Variants in ITGAV observed in about 807,000 individuals in gnomAD.
ITGAV encodes the protein integrin subunit alpha V.
A neutral mutation model predicts 143.8 loss-of-function variants in ITGAV; 76 were observed. That is an observed-to-expected ratio of 0.53 (90% CI 0.44 to 0.64). The LOEUF (loss-of-function observed/expected upper bound fraction) is 0.64, where lower values mean the gene tolerates loss of function less well. Among genes scored for constraint, ITGAV ranks in the 30% least tolerant of loss-of-function variants. The pLI is 0.00. For synonymous variants in ITGAV, 453 were observed against 446.7 expected (o/e 1.01, Z -0.18); for missense variants, 1,193 against 1,274.7 (o/e 0.94, Z 0.98).
At chr2:186,674,790 G>T (rs980836668) in intron 26 of ITGAV, among the ~76,000 whole-genome samples, 1 of 152,184 alleles carries the variant, frequency 6.6e-6, no homozygotes, top group South Asian at 2.1e-4. Context: ...TTGATTACAG[G>T]AGTGAGCCAC....
chr2:186,611,001 T>C (rs1017188649), intron 2 of ITGAV, among the ~76,000 whole-genome samples: 2 of 152,170 alleles, frequency 1.3e-5, no homozygotes, highest in Non-Finnish European at 2.9e-5. Context: ...AGGTCAGATG[T>C]CCAAAATGGA....
chr2:186,595,147 T>C (rs1294809242), intron 1 of ITGAV, among the ~76,000 whole-genome samples: 1 of 152,216 alleles, frequency 6.6e-6, no homozygotes, highest in South Asian at 2.1e-4. Flanking sequence ...TTCATACACA[T>C]TTATTTCTAT....
In ITGAV at chr2:186,625,570, A is replaced by G. The variant is rs1687649943; in HGVS notation, c.506A>G (p.Tyr169Cys). 1 of 1,610,774 alleles carries G rather than the reference A, an allele frequency of 6.2e-7. No individual in the cohort carries two copies. The highest frequency in any genetic ancestry group is 8.5e-7 in the Non-Finnish European group (1 of 1,177,644). Residue 169 changes from tyrosine to cysteine, a missense_variant, in exon 4 of 30, where the codon TAT (tyrosine) becomes TGT (cysteine). Transcript: ENST00000261023. Reference sequence around the variant, plus strand: ...CAAGATGGAACAAAGACTGTTGAGTATGCTCCATGTAGATCACGTATGTAT... The same window carrying G: ...CAAGATGGAACAAAGACTGTTGAGTGTGCTCCATGTAGATCACGTATGTAT... ...FLQDGTKTVEYAPCRSQDIDA... is the reference protein window; with the variant it reads ...FLQDGTKTVECAPCRSQDIDA...
chr2:186,601,837 C>A (rs1367963132), intron 1 of ITGAV, among the ~76,000 whole-genome samples, 184 bp from the exon 2 acceptor site: 1 of 152,090 alleles, frequency 6.6e-6, no homozygotes, highest in Non-Finnish European at 1.5e-5. Context: ...TAAACTATAT[C>A]AAATAATGTA....
chr2:186,593,423 T>C (rs1319096964), intron 1 of ITGAV, among the ~76,000 whole-genome samples: 6 of 151,320 alleles, frequency 4.0e-5, no homozygotes, highest in South Asian at 2.1e-4. Flanking sequence ...TTCACAAATA[T>C]AGTGATTTTC....
At chr2:186,609,835 G>A (rs915912769) in intron 2 of ITGAV, among the ~76,000 whole-genome samples, 3 of 152,076 alleles carry the variant, frequency 2.0e-5, no homozygotes, top group African/African-American at 7.2e-5. Flanking sequence ...ATACGTGTGT[G>A]GTGGTGGGGT....
intron 14 of ITGAV, among the ~76,000 whole-genome samples, chr2:186,651,202 G>A (rs2105725683): frequency 6.6e-6 from 1 of 152,264 alleles, no homozygotes; most frequent in South Asian, 2.1e-4. Flanking sequence ...TAACATTAGT[G>A]CTATGTAGCG....
intron 2 of ITGAV, among the ~76,000 whole-genome samples, chr2:186,621,593 T>G (rs895814411): frequency 6.6e-6 from 1 of 152,210 alleles, no homozygotes; most frequent in Non-Finnish European, 1.5e-5. Context: ...TCGACATGTC[T>G]TAGTGGTCTC....
intron 26 of ITGAV, among the ~76,000 whole-genome samples, chr2:186,674,516 T>G (rs1689153569): frequency 6.6e-6 from 1 of 152,132 alleles, no homozygotes; most frequent in Non-Finnish European, 1.5e-5. Context: ...CTTTTACTTT[T>G]TTTTTTCTTT....
chr2:186,602,148 A>T lies in ITGAV; in HGVS notation c.313A>T (p.Thr105Ser). The T allele has an allele frequency of 6.2e-7, 1 of 1,603,350 alleles. No homozygotes were observed. The highest frequency in any genetic ancestry group is 8.5e-7 in the Non-Finnish European group (1 of 1,176,400). ...RRCQPIEFDA[T>S]GNRDYAKDDP... Reference sequence around the variant, plus strand: ...GTGCCAGCCAATTGAATTTGATGCAACAGGTAAATTTTGATGCACAATTTT... The same window carrying T: ...GTGCCAGCCAATTGAATTTGATGCATCAGGTAAATTTTGATGCACAATTTT... Residue 105 changes from threonine (T) to serine (S), a missense_variant, in exon 2 of 30, where the codon ACA becomes TCA. By Grantham distance (58) the Thr-to-Ser change is moderately conservative. Coordinates refer to ENST00000261023, the MANE Select transcript of ITGAV (RefSeq NM_002210.5).
In ITGAV at chr2:186,590,335, G is replaced by C. The variant is rs777160512; in HGVS notation, c.-4G>C. The C allele has an allele frequency of 1.3e-6, 2 of 1,577,344 alleles. No individual in the cohort carries two copies. The highest frequency in any genetic ancestry group is 1.7e-6 in the Non-Finnish European group (2 of 1,164,942). ...CGGCTTGGCGTCCCGCGCGCACTTC[G>C]GCGATGGCTTTTCCGCCGCGGCGAC... On this transcript the variant is annotated 5_prime_UTR_variant, in exon 1 of 30. Transcript: ENST00000261023.
chr2:186,646,948 C>T, intron 13 of ITGAV, 71 bp downstream of exon 13: 1 of 997,374 alleles, frequency 1.0e-6, no homozygotes, highest in Non-Finnish European at 1.4e-6. Context: ...AGTTACTGTT[C>T]TTGATTTATG....
At chr2:186,631,327 A>T (rs987354492) in intron 5 of ITGAV, among the ~76,000 whole-genome samples, 1 of 152,200 alleles carries the variant, frequency 6.6e-6, no homozygotes, top group African/African-American at 2.4e-5. Flanking sequence ...GACTTCACTT[A>T]TGTAATGTGT....
chr2:186,651,472 C>T (rs1223705940), intron 14 of ITGAV, among the ~76,000 whole-genome samples: 3 of 152,240 alleles, frequency 2.0e-5, no homozygotes, highest in Non-Finnish European at 4.4e-5. Flanking sequence ...TTCCCTCACA[C>T]CAGCTAATAA....
At chr2:186,623,039 A>G (rs925442632) in intron 3 of ITGAV, among the ~76,000 whole-genome samples, 2 of 152,098 alleles carry the variant, frequency 1.3e-5, no homozygotes, top group African/African-American at 4.8e-5. Flanking sequence ...CTTTGAAAAT[A>G]CGACACGATG....
intron 5 of ITGAV, among the ~76,000 whole-genome samples, chr2:186,632,096 G>A (rs2105698979): frequency 6.6e-6 from 1 of 152,066 alleles, no homozygotes; most frequent in Non-Finnish European, 1.5e-5. Context: ...ACTAGGTACT[G>A]ATAATTATAG....
At chr2:186,621,581 G>T (rs377135747) in intron 2 of ITGAV, among the ~76,000 whole-genome samples, 1 of 151,946 alleles carries the variant, frequency 6.6e-6, no homozygotes, top group African/African-American at 2.4e-5. Flanking sequence ...TCTTGCATTC[G>T]GTCGACATGT....
At chr2:186,608,257 T>C (rs62197745) in intron 2 of ITGAV, among the ~76,000 whole-genome samples, 10,844 of 152,220 alleles carry the variant, frequency 0.071, 415 homozygotes, top group South Asian at 0.11. Context: ...TTTGATAGTT[T>C]TGTGAGTTTG....
chr2:186,647,835 A>G (rs1688304608), intron 13 of ITGAV, among the ~76,000 whole-genome samples: 1 of 152,210 alleles, frequency 6.6e-6, no homozygotes, highest in South Asian at 2.1e-4. Context: ...AACACTTAAT[A>G]TGAGCTCAAT....
Sources: allele counts gnomAD v4.1 joint callset (sites outside exome capture counted in the v4.1 genomes callset), GRCh38; gene constraint gnomAD v4.1.1; transcripts MANE v1.5; gene names NCBI Gene and HGNC (gene_info 2026-07-23, HGNC 2026-07-21).